Variants in FRY observed in about 807,000 individuals in gnomAD.
The protein encoded by FRY is FRY microtubule binding protein.
Under a neutral mutation model 348.4 loss-of-function variants are expected in FRY, and 128 were observed. The observed-to-expected ratio is 0.37, with a 90% confidence interval of 0.32 to 0.43. The LOEUF (loss-of-function observed/expected upper bound fraction) is 0.43, where lower values mean the gene tolerates loss of function less well. FRY is among the 20% of genes least tolerant of loss of function. The pLI is 1.00. For missense variants in FRY, 2,736 were observed against 3,695.2 expected (o/e 0.74, Z 6.73); for synonymous variants, 1,370 against 1,374.7 (o/e 1.00, Z 0.08).
rs751239900 is a variant in FRY at position 32,265,591 on chromosome 13, G to T, written c.7921G>T (p.Ala2641Ser). The T allele has an allele frequency of 6.2e-7, 1 of 1,614,100 alleles. No individual in the cohort carries two copies. Among genetic ancestry groups the T allele is most frequent in the Admixed American group, 1.7e-5 (1 of 60,014 alleles). The part of the protein sequence containing the change: ...MTEGEEKGNR[A>S]LDQFTLASFG... ...TGAGGGGGAAGAAAAAGGCAATCGGGCACTGGACCAGTTTACCCTGGCGAG... is the reference window on the plus strand; with the variant it reads ...TGAGGGGGAAGAAAAAGGCAATCGGTCACTGGACCAGTTTACCCTGGCGAG... The change falls in exon 54 of 61, where the codon GCA (alanine) becomes TCA (serine). Residue 2641 changes from alanine (A) to serine (S), a missense_variant. By Grantham distance (99) the Ala-to-Ser change is moderately conservative (BLOSUM62 1). Coordinates refer to ENST00000542859, the MANE Select transcript of FRY (RefSeq NM_023037.3).
intron 40 of FRY, among the ~76,000 whole-genome samples, chr13:32,230,023 T>C (rs1885820075): frequency 6.6e-6 from 1 of 152,240 alleles, no homozygotes; most frequent in African/African-American, 2.4e-5. Flanking sequence ...GACTGAAATG[T>C]ACTTCCAAAA....
rs540098914 is a variant in FRY at position 32,294,461 on chromosome 13, G to A, written c.8674G>A (p.Ala2892Thr). 13 of 1,613,922 alleles carry A rather than the reference G, an allele frequency of 8.1e-6. No homozygotes were observed. The East Asian group carries it at 8.9e-5, about 11-fold the overall frequency. Residue 2892 changes from alanine (A) to threonine (T), a missense_variant, in exon 60 of 61, where the codon GCG becomes ACG. Transcript: ENST00000542859. ...AGCTGACCCTCTCTATTCAGACGGC[G>A]CGTGGTCCGAGCCCACCTTCACGTC... ...IAADPLYSDG[A>T]WSEPTFTSTE...
intron 2 of FRY, among the ~76,000 whole-genome samples, chr13:32,100,120 T>C (rs1327619348): frequency 6.6e-6 from 1 of 152,026 alleles, no homozygotes; most frequent in Non-Finnish European, 1.5e-5. Flanking sequence ...TATTTTTATT[T>C]TTTAAGATGG....
chr13:32,118,288 G>T (rs1336240227), intron 4 of FRY, among the ~76,000 whole-genome samples: 2 of 152,018 alleles, frequency 1.3e-5, no homozygotes, highest in South Asian at 4.1e-4. Context: ...CCACATGAAT[G>T]GATTATTCCA....
chr13:32,121,919 G>T (rs1042475299), intron 4 of FRY, among the ~76,000 whole-genome samples: 2 of 152,070 alleles, frequency 1.3e-5, no homozygotes, highest in African/African-American at 2.4e-5. Context: ...CAGGTCTTAG[G>T]TTTAAGTCCT....
intron 58 of FRY, 75 bp downstream of exon 58, chr13:32,278,623 C>G: frequency 1.2e-6 from 1 of 853,030 alleles, no homozygotes; most frequent in Non-Finnish European, 2.1e-6. Context: ...CCCAAGAAGC[C>G]TGGAACTTGA....
chr13:32,212,714 C>T (rs1196801917), intron 35 of FRY, among the ~76,000 whole-genome samples: 1 of 152,008 alleles, frequency 6.6e-6, no homozygotes, highest in Non-Finnish European at 1.5e-5. Flanking sequence ...GTGAAATTTT[C>T]GAATCTGATA....
chr13:32,252,760 C>T (rs1483863507), intron 50 of FRY, among the ~76,000 whole-genome samples: 1 of 151,940 alleles, frequency 6.6e-6, no homozygotes, highest in African/African-American at 2.4e-5. Flanking sequence ...ATTAGAGGCT[C>T]ATAAATACTT....
At chr13:32,182,133 C>G (rs1882752460) in intron 23 of FRY, among the ~76,000 whole-genome samples, 1 of 152,184 alleles carries the variant, frequency 6.6e-6, no homozygotes. Context: ...GGTTTTCAAA[C>G]TTGGGCATAC....
chr13:32,073,295 G>C (rs570865473), intron 1 of FRY, among the ~76,000 whole-genome samples: 2 of 152,164 alleles, frequency 1.3e-5, no homozygotes, highest in African/African-American at 4.8e-5. Flanking sequence ...ACACAGATAT[G>C]GGGCAGGCCA....
chr13:32,160,413 A>G (rs1046410116), intron 16 of FRY, among the ~76,000 whole-genome samples: 1 of 152,350 alleles, frequency 6.6e-6, no homozygotes. Flanking sequence ...GTGGTTAAAA[A>G]TCTAACAGTT....
intron 14 of FRY, among the ~76,000 whole-genome samples, chr13:32,152,132 C>G (rs572476474): frequency 6.6e-6 from 1 of 152,292 alleles, no homozygotes; most frequent in African/African-American, 2.4e-5. Flanking sequence ...AGAGAAATAA[C>G]TGTAGATTGA....
intron 58 of FRY, among the ~76,000 whole-genome samples, chr13:32,280,474 G>T (rs564765026): frequency 6.6e-6 from 1 of 152,284 alleles, no homozygotes; most frequent in African/African-American, 2.4e-5. Context: ...CTAGGTTTCA[G>T]ATTTTATGGC....
rs747491862 is a variant in FRY, at chr13:32,244,026, C to G, written c.6688-16C>G. On this transcript the variant is annotated splice_polypyrimidine_tract_variant and intron_variant, in intron 46 of 60. Transcript: ENST00000542859. ...TCTGGTGTGTGACTGACTCCAGCCG[C>G]ACTTTGCCCCCACAGCTGCTGGAGA... is the stretch of plus-strand genomic sequence containing the variant. 5.0e-6 allele frequency: 8 copies of G among 1,613,506 alleles called. No homozygotes were observed. The East Asian group carries it at 1.8e-4, about 36-fold the overall frequency.
intron 1 of FRY, among the ~76,000 whole-genome samples, chr13:32,074,635 G>T (rs1874902841): frequency 6.6e-6 from 1 of 152,172 alleles, no homozygotes; most frequent in Non-Finnish European, 1.5e-5. Flanking sequence ...GGTAAATTTT[G>T]TCTACTTTAC....
At chr13:32,265,675 T>A in intron 54 of FRY, 59 bp downstream of exon 54, 1 of 1,510,780 alleles carries the variant, frequency 6.6e-7, no homozygotes, top group African/African-American at 1.4e-5. Context: ...TTATATGGCA[T>A]TCACACTCAA....
At chr13:32,242,544 T>G (rs1243298057) in intron 46 of FRY, among the ~76,000 whole-genome samples, 1 of 152,174 alleles carries the variant, frequency 6.6e-6, no homozygotes, top group African/African-American at 2.4e-5. Context: ...TTTGTTTTGT[T>G]TTGTTTTGAG....
chr13:32,089,166 G>A (rs1214512284), intron 2 of FRY, among the ~76,000 whole-genome samples: 1 of 152,112 alleles, frequency 6.6e-6, no homozygotes, highest in Non-Finnish European at 1.5e-5. Flanking sequence ...CTATAGCATT[G>A]TAGCAATTTT....
chr13:32,109,268 G>T (rs1167707383), intron 3 of FRY, among the ~76,000 whole-genome samples: 1 of 152,116 alleles, frequency 6.6e-6, no homozygotes, highest in Non-Finnish European at 1.5e-5. Context: ...CACATACTAG[G>T]ATCTGTGCAA....
Sources: gnomAD v4.1 joint callset for allele counts (sites outside exome capture counted in the v4.1 genomes callset) on GRCh38, gnomAD v4.1.1 for gene constraint, MANE v1.5 for transcripts, NCBI Gene and HGNC (gene_info 2026-07-23, HGNC 2026-07-21) for gene names.